HSD17B4: variants seen among roughly 807,000 people sequenced by gnomAD.
The protein encoded by HSD17B4 is hydroxysteroid 17-beta dehydrogenase 4.
Under a neutral mutation model 101.0 loss-of-function variants are expected in HSD17B4, and 70 were observed. The observed-to-expected ratio is 0.69, with a 90% confidence interval of 0.57 to 0.85. HSD17B4 has a LOEUF of 0.85. Among genes scored for constraint, HSD17B4 ranks in the 40% least tolerant of loss-of-function variants. The pLI, the probability that HSD17B4 is intolerant of heterozygous loss-of-function variation, is 0.00. For synonymous variants in HSD17B4, 347 were observed against 297.1 expected (o/e 1.17, Z -1.73); for missense variants, 984 against 892.4 (o/e 1.10, Z -1.31).
rs562146189 is a variant in HSD17B4, at chr5:119,506,766, A to G, written c.1262-52A>G. The G allele has an allele frequency of 1.3e-4, 123 of 974,318 alleles. 1 individual carries two copies. The highest frequency in any genetic ancestry group is 5.0e-6 in the Non-Finnish European group (3 of 605,372). 60.4% of individuals were successfully genotyped at this position (974,318 alleles called of 1,614,324 possible). A position where few individuals can be genotyped will look rare whatever the true frequency, so the allele number is the denominator to read the frequency against. The stretch of plus-strand genomic sequence containing the variant: ...CTATTAAATTCTTTCACATCTTATT[A>G]TAGTAATCTTTGGTTTTTAAGACAC... On this transcript the variant is annotated intron_variant, in intron 14 of 23. Transcript: ENST00000510025.
chr5:119,456,731 C>T (rs962119711), intron 2 of HSD17B4: 3 of 242,946 alleles, frequency 1.2e-5, no homozygotes, highest in East Asian at 1.0e-4. Context: ...TGGGTGATGG[C>T]GCAAAAAAAA....
chr5:119,514,170 T>C (rs1752411202), intron 16 of HSD17B4, among the ~76,000 whole-genome samples: 1 of 152,244 alleles, frequency 6.6e-6, no homozygotes, highest in African/African-American at 2.4e-5. Flanking sequence ...GCCTGACTTT[T>C]GTTTGCTTTT....
intron 17 of HSD17B4, among the ~76,000 whole-genome samples, chr5:119,521,532 A>T (rs1426563359): frequency 6.6e-6 from 1 of 151,840 alleles, no homozygotes; most frequent in Non-Finnish European, 1.5e-5. Context: ...CATGTCTTTC[A>T]ACTACTTTTC....
chr5:119,455,297 T>C (rs1754499762), intron 1 of HSD17B4, among the ~76,000 whole-genome samples: 1 of 152,128 alleles, frequency 6.6e-6, no homozygotes. Flanking sequence ...GGTGGGCTGA[T>C]CACGAGGTCA....
At position 119,478,917 on chromosome 5, in the gene HSD17B4, G is replaced by A; in HGVS notation, c.518G>A (p.Gly173Asp). ...NYSAAKLGLL[G>D]LANSLAIEGR... Reference sequence around the variant, plus strand: ...AGTGCTGCAAAGTTGGGTCTTCTGGGCCTTGCAAATTCTCTTGCAATTGAA... The same window carrying A: ...AGTGCTGCAAAGTTGGGTCTTCTGGACCTTGCAAATTCTCTTGCAATTGAA... The change falls in exon 8 of 24, where the codon GGC becomes GAC. Residue 173 changes from glycine to aspartate, a missense_variant. Transcript: ENST00000510025. 1 of 1,613,548 alleles carries A rather than the reference G, an allele frequency of 6.2e-7. No homozygotes were observed. The highest frequency in any genetic ancestry group is 8.5e-7 in the Non-Finnish European group (1 of 1,179,620).
At chr5:119,478,383 T>G (rs772268989) in intron 7 of HSD17B4, among the ~76,000 whole-genome samples, 2 of 152,180 alleles carry the variant, frequency 1.3e-5, no homozygotes, top group Non-Finnish European at 2.9e-5. Context: ...TGAAAATAAA[T>G]AATATGATTT....
At chr5:119,510,456 G>T (rs1752069152) in intron 16 of HSD17B4, among the ~76,000 whole-genome samples, 1 of 152,124 alleles carries the variant, frequency 6.6e-6, no homozygotes, top group East Asian at 1.9e-4. Context: ...GTTACTTGTG[G>T]TAATAAGATT....
intron 2 of HSD17B4, among the ~76,000 whole-genome samples, chr5:119,458,621 T>C (rs1754914333): frequency 6.6e-6 from 1 of 152,046 alleles, no homozygotes; most frequent in Non-Finnish European, 1.5e-5. Context: ...GACATTTCAT[T>C]GGCCAAAGGA....
chr5:119,526,284 A>G (rs200526854), intron 19 of HSD17B4, among the ~76,000 whole-genome samples: 1 of 148,252 alleles, frequency 6.7e-6, no homozygotes, highest in Non-Finnish European at 1.5e-5. Context: ...TGCATATATT[A>G]TATATATATA....
intron 9 of HSD17B4, among the ~76,000 whole-genome samples, chr5:119,490,253 T>C (rs971474185): frequency 3.4e-4 from 52 of 152,150 alleles, no homozygotes; most frequent in Admixed American, 2.4e-3. Context: ...ATAGTAGAGG[T>C]AGAAAGAACT....
chr5:119,503,504 G>A (rs1751375768), intron 14 of HSD17B4, among the ~76,000 whole-genome samples: 1 of 152,054 alleles, frequency 6.6e-6, no homozygotes, highest in Admixed American at 6.6e-5. Flanking sequence ...TTTGTGGTTT[G>A]GAACCTTTTA....
At chr5:119,494,325 T>TTTCTTTTCTTTC (rs1554064680) in intron 11 of HSD17B4, among the ~76,000 whole-genome samples, 2 of 111,524 alleles carry the variant, frequency 1.8e-5, no homozygotes, top group Non-Finnish European at 3.7e-5. Flanking sequence ...TCTTTCTTTC[T>TTTCTTTTCTTTC]TTTCTTTCTT....
At chr5:119,511,219 G>C (rs562167387) in intron 16 of HSD17B4, among the ~76,000 whole-genome samples, 1 of 152,210 alleles carries the variant, frequency 6.6e-6, no homozygotes, top group Non-Finnish European at 1.5e-5. Context: ...CAAGGAAACA[G>C]AGTCTTTTTG....
chr5:119,500,625 AC>A (rs1250036921), intron 13 of HSD17B4, among the ~76,000 whole-genome samples: 1 of 152,060 alleles, frequency 6.6e-6, no homozygotes, highest in African/African-American at 2.4e-5. Context: ...ATGTTTAAAT[AC>A]TGGAGATTAG....
intron 22 of HSD17B4, chr5:119,535,691 T>TG (rs1561493957): frequency 6.7e-6 from 1 of 149,284 alleles, no homozygotes; most frequent in African/African-American, 2.4e-5. Context: ...TATATATTTT[T>TG]GGGGGTAGAC....
At chr5:119,539,533 T>G (rs1292091810) in intron 23 of HSD17B4, among the ~76,000 whole-genome samples, 1 of 151,508 alleles carries the variant, frequency 6.6e-6, no homozygotes, top group Non-Finnish European at 1.5e-5. Context: ...TGTATACATA[T>G]GTAACAAACC....
chr5:119,456,180 GAT>G (rs1352906021), intron 1 of HSD17B4, 133 bp from the exon 2 acceptor site: 1 of 719,298 alleles, frequency 1.4e-6, no homozygotes, highest in Non-Finnish European at 2.6e-6. Context: ...GAATGTCAGT[GAT>G]AGGATAGGTT....
intron 10 of HSD17B4, 181 bp downstream of exon 10, chr5:119,492,305 T>C: frequency 1.6e-6 from 1 of 633,736 alleles, no homozygotes; most frequent in Admixed American, 2.5e-5. Context: ...GTCCTATAGG[T>C]CTGTGGCCCT....
Position 119,525,900 on chromosome 5 carries a change from G to A in HSD17B4, c.1574-17G>A, listed in dbSNP as rs1230203500. On this transcript the variant is annotated splice_polypyrimidine_tract_variant and intron_variant, in intron 18 of 23. Transcript: ENST00000510025. ...TAAAGGTACCTGTATCTAACTCAGT[G>A]TTCTCTCTTTTCCTAGGTTTTGACA... 1 of 1,436,456 alleles carries A rather than the reference G, an allele frequency of 7.0e-7. No individual in the cohort carries two copies. The highest frequency in any genetic ancestry group is 1.7e-5 in the Admixed American group (1 of 59,636). 89.0% of individuals were successfully genotyped at this position (1,436,456 alleles called of 1,614,324 possible). A position where few individuals can be genotyped will look rare whatever the true frequency, so the allele number is the denominator to read the frequency against.
Sources: allele counts gnomAD v4.1 joint callset (sites outside exome capture counted in the v4.1 genomes callset), GRCh38; gene constraint gnomAD v4.1.1; transcripts MANE v1.5; gene names NCBI Gene and HGNC (gene_info 2026-07-23, HGNC 2026-07-21).